The following CARMIL1 variants were observed in gnomAD, a reference collection of about 807,000 sequenced individuals.
CARMIL1 encodes F-actin-uncapping protein LRRC16A.
Under a neutral mutation model 177.1 loss-of-function variants are expected in CARMIL1, and 90 were observed. The ratio of observed to expected loss-of-function variants is 0.51; its 90% CI spans 0.43 to 0.61. CARMIL1 has a LOEUF of 0.61. Among genes scored for constraint, CARMIL1 ranks in the 20% least tolerant of loss-of-function variants. The pLI is 0.00. For synonymous variants in CARMIL1, 577 were observed against 606.2 expected (o/e 0.95, Z 0.71); for missense variants, 1,380 against 1,667.0 (o/e 0.83, Z 3.00).
At chr6:25,387,267 A>G (rs1419478993) in intron 2 of CARMIL1, among the ~76,000 whole-genome samples, 1 of 152,210 alleles carries the variant, frequency 6.6e-6, no homozygotes, top group Non-Finnish European at 1.5e-5. Flanking sequence ...ATAGGTCTAC[A>G]TTTGAGAAAT....
intron 2 of CARMIL1, among the ~76,000 whole-genome samples, chr6:25,310,356 T>C (rs1429490627): frequency 6.6e-6 from 1 of 152,194 alleles, no homozygotes. Flanking sequence ...GCTTGAGAGA[T>C]AGGTTGAATA....
intron 31 of CARMIL1, among the ~76,000 whole-genome samples, chr6:25,586,382 A>G (rs1221431015): frequency 2.4e-4 from 34 of 142,804 alleles, no homozygotes; most frequent in African/African-American, 8.8e-4. Flanking sequence ...GGCACTCCCC[A>G]CATCTCAGAC....
intron 5 of CARMIL1, among the ~76,000 whole-genome samples, chr6:25,442,225 A>T (rs915042690): frequency 6.6e-6 from 1 of 150,672 alleles, no homozygotes; most frequent in Non-Finnish European, 1.5e-5. Flanking sequence ...TGAGATTTGC[A>T]TGGACAAAGA....
chr6:25,424,234 T>C (rs1439197068), intron 3 of CARMIL1, among the ~76,000 whole-genome samples: 1 of 152,158 alleles, frequency 6.6e-6, no homozygotes, highest in East Asian at 1.9e-4. Flanking sequence ...GAATTCTTTT[T>C]CTTCTGCCTG....
chr6:25,492,165 C>G (rs191114535), intron 15 of CARMIL1, 141 bp downstream of exon 15: 6 of 652,788 alleles, frequency 9.2e-6, no homozygotes, highest in Non-Finnish European at 1.3e-5. Flanking sequence ...GAATATTAGT[C>G]CTTGAACATT....
At chr6:25,416,774 G>T (rs1035315038) in intron 2 of CARMIL1, among the ~76,000 whole-genome samples, 29 of 152,218 alleles carry the variant, frequency 1.9e-4, no homozygotes, top group South Asian at 6.2e-4. Flanking sequence ...AGTTTCTCTG[G>T]ACCTGCTGTC....
intron 3 of CARMIL1, among the ~76,000 whole-genome samples, chr6:25,420,650 T>TA (rs1419909369): frequency 6.6e-6 from 1 of 152,200 alleles, no homozygotes; most frequent in Admixed American, 6.5e-5. Context: ...ACCAGAAATG[T>TA]AACCATCTCA....
chr6:25,412,748 A>G (rs959455142), intron 2 of CARMIL1, among the ~76,000 whole-genome samples: 4 of 152,190 alleles, frequency 2.6e-5, no homozygotes, highest in Non-Finnish European at 5.9e-5. Context: ...TTTATGAGCC[A>G]TAAAACTCTA....
At chr6:25,403,081 G>GTTTTT (rs71969807) in intron 2 of CARMIL1, among the ~76,000 whole-genome samples, 1 of 142,942 alleles carries the variant, frequency 7.0e-6, no homozygotes. Flanking sequence ...TCCATAAAGA[G>GTTTTT]TTTTTTTTTT....
chr6:25,369,374 ATTTTGTTTTT>A (rs1790170595), intron 2 of CARMIL1, among the ~76,000 whole-genome samples: 2 of 96,036 alleles, frequency 2.1e-5, no homozygotes, highest in South Asian at 7.6e-4. Context: ...GCAATGCTGT[ATTTTGTTTTT>A]TTTTTTTTTT....
chr6:25,486,305 A>G (rs143698905), intron 12 of CARMIL1, among the ~76,000 whole-genome samples: 2,742 of 152,266 alleles, frequency 0.018, 63 homozygotes, highest in South Asian at 0.11. Context: ...GAAATCCTTC[A>G]TGCTGTTTCA....
intron 2 of CARMIL1, among the ~76,000 whole-genome samples, chr6:25,313,375 C>T (rs1783995613): frequency 6.6e-6 from 1 of 152,184 alleles, no homozygotes; most frequent in Non-Finnish European, 1.5e-5. Context: ...CTTCTGCCAG[C>T]CTTGCCCATA....
intron 16 of CARMIL1, among the ~76,000 whole-genome samples, chr6:25,496,472 C>A (rs75921276): frequency 0.015 from 1,497 of 100,984 alleles, no homozygotes; most frequent in African/African-American, 0.021. Flanking sequence ...GACTCCATCT[C>A]AAAAAAAAAA....
Position 25,619,487 on chromosome 6 carries a change from A to T in CARMIL1, c.4020A>T (p.Gln1340His). The change falls in exon 37 of 37, where the codon CAA becomes CAT. Residue 1340 changes from glutamine (Q) to histidine (H), a missense_variant. Coordinates refer to ENST00000329474, the MANE Select transcript of CARMIL1 (RefSeq NM_017640.6). Reference sequence around the variant, plus strand: ...GGGGCCAGCAGGCCCAGGAGTATCAAGAACAAAAGCAACGGTCCTCCAGTA... The same window carrying T: ...GGGGCCAGCAGGCCCAGGAGTATCATGAACAAAAGCAACGGTCCTCCAGTA... ...RSWGQQAQEY[Q>H]EQKQRSSSKD... is the part of the protein sequence containing the mutation. 1 of 1,613,948 alleles carries T rather than the reference A, an allele frequency of 6.2e-7. No homozygotes were observed. Among genetic ancestry groups the T allele is most frequent in the Non-Finnish European group, 8.5e-7 (1 of 1,179,856 alleles).
At chr6:25,467,520 G>A (rs1800721758) in intron 9 of CARMIL1, among the ~76,000 whole-genome samples, 1 of 152,180 alleles carries the variant, frequency 6.6e-6, no homozygotes, top group Admixed American at 6.5e-5. Context: ...TTTGGAGAGT[G>A]TCCCAACCTG....
At chr6:25,351,938 G>A (rs1221896142) in intron 2 of CARMIL1, among the ~76,000 whole-genome samples, 1 of 152,046 alleles carries the variant, frequency 6.6e-6, no homozygotes, top group African/African-American at 2.4e-5. Flanking sequence ...GCTCCTTTTT[G>A]CTTCTGTGGT....
intron 8 of CARMIL1, among the ~76,000 whole-genome samples, chr6:25,451,527 C>A (rs755501798): frequency 2.0e-5 from 3 of 152,148 alleles, no homozygotes; most frequent in Non-Finnish European, 4.4e-5. Context: ...ATTTGAGAAA[C>A]TTTTAGGTTT....
intron 9 of CARMIL1, among the ~76,000 whole-genome samples, chr6:25,469,886 T>G (rs1353454970): frequency 6.6e-6 from 1 of 152,110 alleles, no homozygotes; most frequent in Non-Finnish European, 1.5e-5. Context: ...AATATTAAGG[T>G]CAAGAACCAC....
chr6:25,520,908 C>T (rs974234216), intron 23 of CARMIL1, among the ~76,000 whole-genome samples: 8 of 151,996 alleles, frequency 5.3e-5, no homozygotes, highest in African/African-American at 1.9e-4. Flanking sequence ...CTTGCTCTTC[C>T]ATATCTTCAT....
Sources: gnomAD v4.1 joint callset for allele counts (sites outside exome capture counted in the v4.1 genomes callset) on GRCh38, gnomAD v4.1.1 for gene constraint, MANE v1.5 for transcripts, NCBI Gene and HGNC (gene_info 2026-07-23, HGNC 2026-07-21) for gene names.